CCDC178: variants seen among roughly 807,000 people sequenced by gnomAD.
CCDC178 encodes the protein coiled-coil domain-containing protein 178.
In CCDC178, 126 loss-of-function variants were observed where a neutral mutation model predicts 117.4. The ratio of observed to expected loss-of-function variants is 1.07; its 90% CI spans 0.93 to 1.24. The LOEUF (loss-of-function observed/expected upper bound fraction) is 1.24, where lower values mean the gene tolerates loss of function less well. Ranked by LOEUF, CCDC178 falls within the 50% of genes most tolerant of loss-of-function variation. CCDC178 has a pLI of 0.00. For missense variants in CCDC178, 1,030 were observed against 986.9 expected (o/e 1.04, Z -0.59); for synonymous variants, 283 against 313.4 (o/e 0.90, Z 1.02).
intron 20 of CCDC178, among the ~76,000 whole-genome samples, chr18:33,103,780 T>A (rs543329989): frequency 1.3e-5 from 2 of 151,720 alleles, no homozygotes; most frequent in Non-Finnish European, 2.9e-5. Context: ...AGTTTTTGAC[T>A]CCTGAAACTT....
chr18:33,435,055 A>G (rs2144982710), intron 2 of CCDC178, among the ~76,000 whole-genome samples: 1 of 152,254 alleles, frequency 6.6e-6, no homozygotes, highest in East Asian at 1.9e-4. Flanking sequence ...TATTTCTTGA[A>G]CAGAATTGTT....
chr18:33,081,111 A>G (rs1598861347), intron 21 of CCDC178, among the ~76,000 whole-genome samples: 1 of 152,180 alleles, frequency 6.6e-6, no homozygotes, highest in Non-Finnish European at 1.5e-5. Context: ...ACAGAGGAGG[A>G]CATATTTTAC....
At chr18:33,204,103 A>C (rs1352910968) in intron 20 of CCDC178, among the ~76,000 whole-genome samples, 2 of 152,210 alleles carry the variant, frequency 1.3e-5, no homozygotes, top group Admixed American at 6.5e-5. Flanking sequence ...AGAAAACAAA[A>C]TATAGTCCAG....
intron 6 of CCDC178, among the ~76,000 whole-genome samples, chr18:33,360,388 T>C (rs1398370365): frequency 6.6e-6 from 1 of 151,340 alleles, no homozygotes; most frequent in Non-Finnish European, 1.5e-5. Flanking sequence ...AATCGTTGTA[T>C]ATATACACAA....
chr18:33,266,777 T>C, intron 14 of CCDC178, 139 bp downstream of exon 14: 1 of 895,838 alleles, frequency 1.1e-6, no homozygotes, highest in South Asian at 2.2e-5. Flanking sequence ...AAAGGCAACA[T>C]TTTGAATAGA....
At chr18:33,043,516 T>A (rs1001683984) in intron 21 of CCDC178, among the ~76,000 whole-genome samples, 1 of 152,088 alleles carries the variant, frequency 6.6e-6, no homozygotes, top group Non-Finnish European at 1.5e-5. Flanking sequence ...GTTCTTAGAA[T>A]GGTGTGTGGC....
intron 8 of CCDC178, among the ~76,000 whole-genome samples, chr18:33,346,986 T>C (rs1172595683): frequency 6.6e-6 from 1 of 152,162 alleles, no homozygotes; most frequent in Admixed American, 6.5e-5. Flanking sequence ...GGTTCACAGT[T>C]CTGGAATGAT....
intron 18 of CCDC178, among the ~76,000 whole-genome samples, chr18:33,219,037 T>G (rs1299023154): frequency 6.6e-6 from 1 of 152,166 alleles, no homozygotes; most frequent in Non-Finnish European, 1.5e-5. Flanking sequence ...ATAAATTACT[T>G]TGGGCAGTAT....
intron 6 of CCDC178, among the ~76,000 whole-genome samples, chr18:33,365,333 T>G (rs1318669586): frequency 6.6e-6 from 1 of 152,088 alleles, no homozygotes; most frequent in African/African-American, 2.4e-5. Flanking sequence ...CATTCATGTC[T>G]TTGGTCTTAA....
chr18:32,981,436 G>A (rs547416580), intron 21 of CCDC178, among the ~76,000 whole-genome samples: 3 of 152,162 alleles, frequency 2.0e-5, no homozygotes, highest in African/African-American at 7.2e-5. Flanking sequence ...AAAATGTCAG[G>A]ATTTACTAAG....
At chr18:33,086,282 A>G (rs2057376648) in intron 21 of CCDC178, among the ~76,000 whole-genome samples, 1 of 151,722 alleles carries the variant, frequency 6.6e-6, no homozygotes, top group South Asian at 2.1e-4. Context: ...AGGTAATATA[A>G]ATAATACTTA....
rs1440559611 is a variant in CCDC178, at chr18:32,938,064, T to C, written c.2551A>G (p.Ile851Val). 5.6e-6 allele frequency: 9 copies of C among 1,613,648 alleles called. No homozygotes were observed. The highest frequency in any genetic ancestry group is 6.8e-6 in the Non-Finnish European group (8 of 1,179,696). ...GTCAAAGTCTGGAAGAAACCTAAGA[T>C]GTGTTGCATTAAATTTGAAGATTCC... ...QEESSNLMQH[I>V]LGFFQTLTDG... is the part of the protein sequence containing the mutation. The change falls in exon 23 of 23, where the codon ATC becomes GTC. Residue 851 changes from isoleucine to valine, a missense_variant. Physicochemically the swap from Ile to Val is conservative, Grantham distance 29. Transcript: ENST00000383096.
chr18:33,355,646 AC>A (rs1156430656), intron 7 of CCDC178, among the ~76,000 whole-genome samples: 1 of 152,044 alleles, frequency 6.6e-6, no homozygotes, highest in Non-Finnish European at 1.5e-5. Context: ...TCTTTTTCCA[AC>A]CTATTTTTTC....
intron 22 of CCDC178, among the ~76,000 whole-genome samples, chr18:32,956,308 T>C (rs1168034346): frequency 6.6e-6 from 1 of 152,198 alleles, no homozygotes; most frequent in Admixed American, 6.5e-5. Flanking sequence ...ATTATTTATT[T>C]ATTTTTTACG....
chr18:33,185,268 C>A (rs1482273317), intron 20 of CCDC178, among the ~76,000 whole-genome samples: 2 of 151,944 alleles, frequency 1.3e-5, no homozygotes, highest in Admixed American at 1.3e-4. Flanking sequence ...GAAGAGAAAA[C>A]CCCAATTTCT....
chr18:33,109,406 A>G (rs1487305233), intron 20 of CCDC178, among the ~76,000 whole-genome samples: 1 of 151,676 alleles, frequency 6.6e-6, no homozygotes, highest in Non-Finnish European at 1.5e-5. Context: ...AAAGAGATGC[A>G]AAACATTTGC....
chr18:33,215,922 C>T (rs968448449), intron 18 of CCDC178, among the ~76,000 whole-genome samples: 5 of 151,914 alleles, frequency 3.3e-5, no homozygotes, highest in Non-Finnish European at 7.4e-5. Flanking sequence ...AAAGCAAGCA[C>T]CTGGTCTCTA....
intron 20 of CCDC178, among the ~76,000 whole-genome samples, chr18:33,100,745 T>C (rs2057613557): frequency 6.6e-6 from 1 of 152,034 alleles, no homozygotes. Context: ...TTTGTCTCCA[T>C]ACTGACTATA....
At chr18:33,403,305 G>A (rs1323083279) in intron 3 of CCDC178, among the ~76,000 whole-genome samples, 2 of 152,092 alleles carry the variant, frequency 1.3e-5, no homozygotes, top group African/African-American at 2.4e-5. Flanking sequence ...AAGCCAACTG[G>A]ATAGAGATTT....
Sources: gnomAD v4.1 joint callset for allele counts (sites outside exome capture counted in the v4.1 genomes callset) on GRCh38, gnomAD v4.1.1 for gene constraint, MANE v1.5 for transcripts, NCBI Gene and HGNC (gene_info 2026-07-23, HGNC 2026-07-21) for gene names.